PPIL2: variants seen among roughly 807,000 people sequenced by gnomAD.
PPIL2 encodes the protein peptidylprolyl isomerase like 2, also known as RING-type E3 ubiquitin-protein ligase PPIL2.
A neutral mutation model predicts 75.2 loss-of-function variants in PPIL2; 50 were observed. The ratio of observed to expected loss-of-function variants is 0.66; its 90% CI spans 0.53 to 0.84. The LOEUF is 0.84. PPIL2 is among the 40% of genes least tolerant of loss of function. The pLI is 0.00. For missense variants in PPIL2, 590 were observed against 685.0 expected (o/e 0.86, Z 1.55); for synonymous variants, 245 against 258.8 (o/e 0.95, Z 0.51).
In PPIL2 at chr22:21,666,039, C is replaced by A; in HGVS notation, c.-61C>A. 2.5e-6 allele frequency: 4 copies of A among 1,587,452 alleles called. No individual in the cohort carries two copies. The South Asian group carries it at 4.5e-5, about 18-fold the overall frequency. On this transcript the variant is annotated 5_prime_UTR_variant, in exon 1 of 20. Transcript: ENST00000398831. The stretch of plus-strand genomic sequence containing the variant: ...TGGTCACGGAACTCGGCTGCGGCTC[C>A]ATGGTCTGAGTTGTCAGCCGTTGTT...
chr22:21,672,508 G>T, intron 5 of PPIL2, 127 bp downstream of exon 5: 1 of 936,914 alleles, frequency 1.1e-6, no homozygotes. Flanking sequence ...CAGTGAGGAG[G>T]GACAGTCTTC....
intron 6 of PPIL2, among the ~76,000 whole-genome samples, chr22:21,677,315 A>C (rs942410935): frequency 5.9e-5 from 9 of 152,172 alleles, no homozygotes; most frequent in African/African-American, 2.2e-4. Context: ...CAGAGGCTGC[A>C]ATCTCGGCAC....
chr22:21,680,459 A>T (rs560525957), intron 6 of PPIL2, among the ~76,000 whole-genome samples: 3 of 152,142 alleles, frequency 2.0e-5, no homozygotes, highest in Non-Finnish European at 4.4e-5. Flanking sequence ...GGAACCCAGG[A>T]GATGGAGGTT....
chr22:21,686,939 G>GGCT lies in PPIL2; in HGVS notation c.839_841dup (p.Gly280_Tyr281insCys). The stretch of plus-strand genomic sequence containing the variant: ...GCGCTACCAGTTTGTGAAGAAGAAG[G>GGCT]GCTACGTGCGGCTGCACACCAACAA... On this transcript the variant is annotated inframe_insertion, in exon 12 of 20. Transcript: ENST00000398831. 1 of 1,614,036 alleles carries GGCT rather than the reference G, an allele frequency of 6.2e-7. No individual in the cohort carries two copies. The highest frequency in any genetic ancestry group is 8.5e-7 in the Non-Finnish European group (1 of 1,180,012).
chr22:21,690,374 C>T (rs551200932), intron 15 of PPIL2, among the ~76,000 whole-genome samples: 1 of 149,200 alleles, frequency 6.7e-6, no homozygotes, highest in African/African-American at 2.5e-5. Context: ...GCAGTGAGAC[C>T]CTGTCTGGAA....
At chr22:21,688,029 C>T (rs861829) in intron 13 of PPIL2, 44 bp from the exon 14 acceptor site, 237,430 of 1,613,358 alleles carry the variant, frequency 0.15, 19,334 homozygotes, top group Non-Finnish European at 0.16. Context: ...CGGTGGGCCT[C>T]GGGTCTCAGA....
Position 21,672,345 on chromosome 22 carries a change from G to C in PPIL2, c.207G>C (p.Trp69Cys). The C allele has an allele frequency of 6.2e-7, 1 of 1,612,792 alleles. No individual in the cohort carries two copies. The highest frequency in any genetic ancestry group is 1.1e-5 in the South Asian group (1 of 91,038). The change falls in exon 5 of 20, where the codon TGG becomes TGC. Residue 69 changes from tryptophan to cysteine, a missense_variant. Physicochemically the swap from Trp to Cys is radical, Grantham distance 215. Coordinates refer to ENST00000398831, the MANE Select transcript of PPIL2 (RefSeq NM_014337.4). ...IVFDLLNIVP[W>C]LKKYGTNPSN... is the part of the protein sequence containing the mutation. ...TTCCCTTCAGGAACATTGTTCCATG[G>C]CTTAAGAAGTACGGGACCAACCCCA... is the stretch of plus-strand genomic sequence containing the variant.
At position 21,695,079 on chromosome 22, in the gene PPIL2, C is replaced by T. The variant is rs373716173; in HGVS notation, c.1466+9C>T. 61 of 1,595,722 alleles carry T rather than the reference C, an allele frequency of 3.8e-5. 1 individual carries two copies. Among genetic ancestry groups the T allele is most frequent in the African/African-American group, 6.7e-5 (5 of 74,666 alleles). On this transcript the variant is annotated intron_variant, in intron 19 of 19. Transcript: ENST00000398831. ...ATCAACCCAGCAGCCACGTGAGTGC[C>T]GCGGGGCTGGCCTCCCTGTTTCCCA...
At chr22:21,684,470 A>AG (rs1452838408) in intron 9 of PPIL2, among the ~76,000 whole-genome samples, 9 of 147,748 alleles carry the variant, frequency 6.1e-5, no homozygotes, top group Non-Finnish European at 1.3e-4. Flanking sequence ...AAAAAAAAAA[A>AG]AAAAAGAAAA....
chr22:21,686,525 A>G lies in PPIL2; in HGVS notation c.757A>G (p.Thr253Ala). The G allele has an allele frequency of 6.2e-7, 1 of 1,614,048 alleles. No homozygotes were observed. Among genetic ancestry groups the G allele is most frequent in the Non-Finnish European group, 8.5e-7 (1 of 1,179,984 alleles). ...GAAGGTCAGCGCTTCCTTCACCTCC[A>G]CCGCGATGGTCCCGGAGACCACACA... Reference protein sequence around the residue: ...TGKVSASFTSTAMVPETTHEA... With the variant: ...TGKVSASFTSAAMVPETTHEA... Residue 253 changes from threonine to alanine, a missense_variant, in exon 11 of 20, where the codon ACC (threonine) becomes GCC (alanine). Physicochemically the swap from Thr to Ala is moderately conservative, Grantham distance 58 (BLOSUM62 0). Coordinates refer to ENST00000398831, the MANE Select transcript of PPIL2 (RefSeq NM_014337.4).
At chr22:21,683,972 C>T (rs557616053) in intron 9 of PPIL2, among the ~76,000 whole-genome samples, 1 of 152,192 alleles carries the variant, frequency 6.6e-6, no homozygotes, top group South Asian at 2.1e-4. Context: ...CTTTGGGAGG[C>T]CAAGGCAGGC....
chr22:21,678,799 G>T (rs59492453), intron 6 of PPIL2, among the ~76,000 whole-genome samples: 5 of 151,810 alleles, frequency 3.3e-5, no homozygotes, highest in Non-Finnish European at 1.5e-5. Context: ...TGATCAGAGC[G>T]CACTGTTGCT....
chr22:21,686,059 G>A (rs941445562), intron 10 of PPIL2, among the ~76,000 whole-genome samples: 1 of 152,116 alleles, frequency 6.6e-6, no homozygotes, highest in Non-Finnish European at 1.5e-5. Context: ...CTACTCAGGA[G>A]GCTGAGGTCG....
chr22:21,669,861 C>T (rs2247115), intron 1 of PPIL2, 52 bp from the exon 2 acceptor site: 379,179 of 1,543,758 alleles, frequency 0.25, 47,619 homozygotes, highest in East Asian at 0.29. Flanking sequence ...CCAAAGACTT[C>T]GTCCTCTTTA....
rs368273819 is a variant in PPIL2 at position 21,672,663 on chromosome 22, A to T, written c.243+282A>T. ...AAAGACCCTATATAAACCTTTGATTATATCCAAGTCAGGCCACATTCACAG... is the reference window on the plus strand; with the variant it reads ...AAAGACCCTATATAAACCTTTGATTTTATCCAAGTCAGGCCACATTCACAG... On this transcript the variant is annotated intron_variant, in intron 5 of 19. Transcript: ENST00000398831. Among the ~76,000 whole-genome samples the T allele has an allele frequency of 1.2e-4, 19 of 152,290 alleles. No individual in the cohort carries two copies. In the East Asian group the frequency reaches 1.4e-3, roughly 11 times the overall value.
At chr22:21,677,587 C>A (rs903932997) in intron 6 of PPIL2, among the ~76,000 whole-genome samples, 2 of 152,230 alleles carry the variant, frequency 1.3e-5, no homozygotes, top group African/African-American at 4.8e-5. Context: ...ATCCCAGGCA[C>A]TCGGCAGGCT....
intron 6 of PPIL2, among the ~76,000 whole-genome samples, chr22:21,677,106 G>A (rs1360587284): frequency 1.3e-5 from 2 of 151,576 alleles, no homozygotes; most frequent in African/African-American, 2.4e-5. Context: ...GGCGGCTGCC[G>A]GGCAGAGGGG....
At chr22:21,669,257 C>T (rs1008823216) in intron 1 of PPIL2, 4 of 322,352 alleles carry the variant, frequency 1.2e-5, no homozygotes, top group Non-Finnish European at 2.0e-5. Context: ...AACCTGCCTT[C>T]CTGCCTTAGT....
chr22:21,666,084 C>G lies in PPIL2; in HGVS notation c.-16C>G. On this transcript the variant is annotated 5_prime_UTR_variant, in exon 1 of 20. Transcript: ENST00000398831. ...GTTGTTTTTTCGTGCTCGCTAGTCGCCGCCGCCGCTCCGCCATGGGGAAGC... is the reference window on the plus strand; with the variant it reads ...GTTGTTTTTTCGTGCTCGCTAGTCGGCGCCGCCGCTCCGCCATGGGGAAGC... 1 of 1,610,816 alleles carries G rather than the reference C, an allele frequency of 6.2e-7. No individual in the cohort carries two copies. The highest frequency in any genetic ancestry group is 1.1e-5 in the South Asian group (1 of 90,872).
Sources: gnomAD v4.1 joint callset for allele counts (sites outside exome capture counted in the v4.1 genomes callset) on GRCh38, gnomAD v4.1.1 for gene constraint, MANE v1.5 for transcripts, NCBI Gene and HGNC (gene_info 2026-07-23, HGNC 2026-07-21) for gene names.